Variants in PDCD2L observed in about 807,000 individuals in gnomAD.
PDCD2L encodes programmed cell death 2 like, also known as uS5 assembly chaperone PDCD2L.
PDCD2L carries 44 observed loss-of-function variants against 40.4 expected under a neutral mutation model. That is an observed-to-expected ratio of 1.09 (90% CI 0.86 to 1.40). The LOEUF (loss-of-function observed/expected upper bound fraction) is 1.40. Among genes scored for constraint, PDCD2L ranks in the 40% most tolerant of loss-of-function variants. PDCD2L has a pLI of 0.00. For missense variants in PDCD2L, 470 were observed against 453.7 expected, an observed-to-expected ratio of 1.04 and a Z score of -0.33; for synonymous variants, 194 against 174.6, an observed-to-expected ratio of 1.11 and a Z score of -0.88.
intron 3 of PDCD2L, among the ~76,000 whole-genome samples, chr19:34,405,974 C>T (rs2075073187): frequency 1.3e-5 from 2 of 152,118 alleles, no homozygotes; most frequent in South Asian, 4.2e-4. Flanking sequence ...AACATCGTCT[C>T]TATAAAAAGT....
intron 3 of PDCD2L, among the ~76,000 whole-genome samples, chr19:34,405,638 C>A (rs929899252): frequency 2.6e-5 from 4 of 151,224 alleles, no homozygotes; most frequent in Non-Finnish European, 2.9e-5. Flanking sequence ...CGGTGGCTTA[C>A]GCCTGTAATC....
At chr19:34,404,593 G>C (rs2075063096) in intron 1 of PDCD2L, 55 bp downstream of exon 1, 1 of 1,589,714 alleles carries the variant, frequency 6.3e-7, no homozygotes, top group Non-Finnish European at 8.5e-7. Flanking sequence ...GGTGCGGAGG[G>C]AGTGGGCGAG....
intron 5 of PDCD2L, among the ~76,000 whole-genome samples, chr19:34,419,580 C>G (rs2075140126): frequency 6.6e-6 from 1 of 151,266 alleles, no homozygotes; most frequent in Non-Finnish European, 1.5e-5. Context: ...GCAGTTCCCT[C>G]ACCTCAGCCT....
At chr19:34,419,105 G>T (rs2075137687) in intron 5 of PDCD2L, among the ~76,000 whole-genome samples, 1 of 151,944 alleles carries the variant, frequency 6.6e-6, no homozygotes, top group Admixed American at 6.6e-5. Context: ...TTTTAACACG[G>T]AATATGCAGT....
chr19:34,419,645 C>A (rs958694971), intron 5 of PDCD2L, among the ~76,000 whole-genome samples: 2 of 151,816 alleles, frequency 1.3e-5, no homozygotes, highest in African/African-American at 4.8e-5. Context: ...CCTGACTTTC[C>A]ATTTGGTGGG....
At chr19:34,423,797 T>C (rs1481429018) in intron 6 of PDCD2L, among the ~76,000 whole-genome samples, 1 of 152,190 alleles carries the variant, frequency 6.6e-6, no homozygotes, top group African/African-American at 2.4e-5. Flanking sequence ...GCCAGTATCA[T>C]AATTATCACA....
intron 5 of PDCD2L, among the ~76,000 whole-genome samples, chr19:34,414,474 CTT>C (rs35413401): frequency 2.1e-3 from 83 of 39,776 alleles, no homozygotes; most frequent in African/African-American, 5.1e-3. Context: ...CCATGCCTGG[CTT>C]TTTTTTTTTT....
chr19:34,414,156 C>T (rs1324412102), intron 5 of PDCD2L, among the ~76,000 whole-genome samples: 1 of 151,856 alleles, frequency 6.6e-6, no homozygotes, highest in African/African-American at 2.4e-5. Context: ...GTTCTCATAG[C>T]CTTTATTATT....
In PDCD2L at chr19:34,409,488, A is replaced by G. The variant is rs1368341016; in HGVS notation, c.664A>G (p.Met222Val). 3 of 1,613,932 alleles carry G rather than the reference A, an allele frequency of 1.9e-6. No individual in the cohort carries two copies. The highest frequency in any genetic ancestry group is 1.3e-5 in the African/African-American group (1 of 75,050). Residue 222 changes from methionine to valine, a missense_variant, in exon 4 of 7, where the codon ATG (methionine) becomes GTG (valine). Met to Val is a conservative substitution (Grantham distance 21). Transcript: ENST00000246535. ...RDYQQREGIA[M>V]DQLLSQSLPN... is the part of the protein sequence containing the mutation. ...CTATCAGCAGAGAGAAGGCATTGCC[A>G]TGGATCAGTTGCTTTCCCAAAGGTG... is the stretch of plus-strand genomic sequence containing the variant.
rs750555868 is a variant in PDCD2L, at chr19:34,409,431, A to G, written c.607A>G (p.Asn203Asp). ...ADEDDYRDFV[N>D]LDHAHSLLRD... ...TGAGGATGATTACAGGGACTTTGTC[A>G]ACCTGGATCATGCCCACAGCCTTCT... is the stretch of plus-strand genomic sequence containing the variant. Residue 203 changes from asparagine (N) to aspartate (D), a missense_variant, in exon 4 of 7, where the codon AAC becomes GAC. Coordinates refer to ENST00000246535, the MANE Select transcript of PDCD2L (RefSeq NM_032346.2). The G allele has an allele frequency of 2.5e-6, 4 of 1,614,198 alleles. No individual in the cohort carries two copies. The highest frequency in any genetic ancestry group is 3.4e-6 in the Non-Finnish European group (4 of 1,180,030).
At chr19:34,425,411 C>T (rs1026861215) in intron 6 of PDCD2L, among the ~76,000 whole-genome samples, 4 of 150,706 alleles carry the variant, frequency 2.7e-5, no homozygotes, top group African/African-American at 9.8e-5. Flanking sequence ...AGTGATCCTT[C>T]TGCCTTAGTC....
Position 34,412,655 on chromosome 19 carries a change from T to C in PDCD2L, c.687-1082T>C, listed in dbSNP as rs572970714. 5.9e-3 allele frequency among the ~76,000 whole-genome samples: 893 copies of C among 151,018 alleles called. 6 individuals are homozygous for C. Among genetic ancestry groups the C allele is most frequent in the African/African-American group, 0.021 (843 of 41,068 alleles). ...ATTGCTTGAACCCAGGAGGTGGAGG[T>C]TGCAGTGAGCCAAGATTGCACCATT... is the stretch of plus-strand genomic sequence containing the variant. On this transcript the variant is annotated intron_variant, in intron 4 of 6. Transcript: ENST00000246535.
At chr19:34,411,303 G>A (rs1043855198) in intron 4 of PDCD2L, among the ~76,000 whole-genome samples, 2 of 146,298 alleles carry the variant, frequency 1.4e-5, no homozygotes, top group South Asian at 2.2e-4. Flanking sequence ...GCAGTGGCAC[G>A]TTCTCGGCTC....
At chr19:34,411,159 C>A (rs1163620208) in intron 4 of PDCD2L, among the ~76,000 whole-genome samples, 1 of 85,628 alleles carries the variant, frequency 1.2e-5, no homozygotes, top group Non-Finnish European at 2.5e-5. Context: ...CTAGAGTATT[C>A]TTCTTTTTTT....
chr19:34,416,055 G>A (rs947130740), intron 5 of PDCD2L, among the ~76,000 whole-genome samples: 5 of 152,130 alleles, frequency 3.3e-5, no homozygotes, highest in Non-Finnish European at 5.9e-5. Context: ...TGAGTAGCTG[G>A]GACTACAGGC....
intron 5 of PDCD2L, among the ~76,000 whole-genome samples, chr19:34,415,174 G>A (rs913955512): frequency 6.6e-5 from 10 of 152,104 alleles, no homozygotes; most frequent in African/African-American, 2.4e-4. Context: ...AGGCTGGAGT[G>A]CAGTGACGTG....
chr19:34,416,385 C>T (rs2075126575), intron 5 of PDCD2L, among the ~76,000 whole-genome samples: 2 of 152,122 alleles, frequency 1.3e-5, no homozygotes, highest in Non-Finnish European at 2.9e-5. Flanking sequence ...AAGCAACATT[C>T]CTTTGTTCCA....
intron 3 of PDCD2L, among the ~76,000 whole-genome samples, chr19:34,405,476 T>C (rs1487503269): frequency 1.3e-5 from 2 of 151,798 alleles, no homozygotes; most frequent in South Asian, 2.1e-4. Context: ...GTTTTTTTTT[T>C]CTTCTATTTT....
At chr19:34,419,444 C>T (rs1199013540) in intron 5 of PDCD2L, among the ~76,000 whole-genome samples, 6 of 152,036 alleles carry the variant, frequency 3.9e-5, no homozygotes, top group East Asian at 3.9e-4. Context: ...CATGAGCCAC[C>T]GCACCCCACC....
Sources: gnomAD v4.1 joint callset for allele counts (sites outside exome capture counted in the v4.1 genomes callset) on GRCh38, gnomAD v4.1.1 for gene constraint, MANE v1.5 for transcripts, NCBI Gene and HGNC (gene_info 2026-07-23, HGNC 2026-07-21) for gene names.